Variants in LY96 observed in about 807,000 individuals in gnomAD.
LY96 encodes myeloid differentiation protein-2.
In LY96, 18 loss-of-function variants were observed where a neutral mutation model predicts 18.9. The ratio of observed to expected loss-of-function variants is 0.95; its 90% CI spans 0.66 to 1.41. The LOEUF (loss-of-function observed/expected upper bound fraction) is 1.41, where lower values mean the gene tolerates loss of function less well. Ranked by LOEUF, LY96 falls within the 40% of genes most tolerant of loss-of-function variation. The pLI, the probability that LY96 is intolerant of heterozygous loss-of-function variation, is 0.00. For missense variants in LY96, 175 were observed against 182.4 expected, an observed-to-expected ratio of 0.96 and a Z score of 0.23; for synonymous variants, 66 against 62.6, an observed-to-expected ratio of 1.06 and a Z score of -0.26.
chr8:74,018,426 G>T (rs978066901), intron 3 of LY96, among the ~76,000 whole-genome samples: 1 of 152,102 alleles, frequency 6.6e-6, no homozygotes. Flanking sequence ...CATAAAGCAA[G>T]TCCTTAGAGA....
At chr8:73,999,807 C>A (rs367777078) in intron 1 of LY96, among the ~76,000 whole-genome samples, 1 of 152,190 alleles carries the variant, frequency 6.6e-6, no homozygotes, top group South Asian at 2.1e-4. Flanking sequence ...GCATGAGCCA[C>A]CATGTCCAGC....
At chr8:74,081,468 C>T in the LY96 span, among the ~76,000 whole-genome samples, 9 of 151,430 alleles carry the variant, frequency 5.9e-5, no homozygotes, top group Non-Finnish European at 2.9e-5. Flanking sequence ...CTGTGTTGCC[C>T]AACTGGTCTT....
chr8:74,080,171 G>A, the LY96 span, among the ~76,000 whole-genome samples: 1 of 152,182 alleles, frequency 6.6e-6, no homozygotes, highest in Non-Finnish European at 1.5e-5. Context: ...GAAGGCAGCT[G>A]AGGCTTCCCA....
chr8:74,018,567 G>T (rs1816693142), intron 3 of LY96, among the ~76,000 whole-genome samples: 1 of 152,182 alleles, frequency 6.6e-6, no homozygotes, highest in Non-Finnish European at 1.5e-5. Context: ...TCTGCACCAA[G>T]CAGACCTAAT....
At chr8:74,083,491 G>A in the LY96 span, among the ~76,000 whole-genome samples, 1 of 152,164 alleles carries the variant, frequency 6.6e-6, no homozygotes, top group African/African-American at 2.4e-5. Context: ...TGAGATTACA[G>A]GCATAAGCCA....
At chr8:74,016,264 C>G (rs1040682542) in intron 3 of LY96, among the ~76,000 whole-genome samples, 1 of 152,336 alleles carries the variant, frequency 6.6e-6, no homozygotes, top group South Asian at 2.1e-4. Context: ...TCACTGCTAG[C>G]ACAGCAGTCC....
the LY96 span, among the ~76,000 whole-genome samples, chr8:74,066,189 C>G: frequency 3.3e-5 from 5 of 152,134 alleles, 1 homozygote; most frequent in Middle Eastern, 0.017. Context: ...ATAGATGGCA[C>G]CTCTTGCTGT....
the LY96 span, among the ~76,000 whole-genome samples, chr8:74,080,994 C>CTT: frequency 9.7e-6 from 1 of 102,670 alleles, no homozygotes; most frequent in Non-Finnish European, 1.8e-5. Flanking sequence ...CTCTTTCTTT[C>CTT]TTTCTTTCTT....
chr8:74,046,473 T>G, the LY96 span, among the ~76,000 whole-genome samples: 30 of 152,208 alleles, frequency 2.0e-4, no homozygotes, highest in Non-Finnish European at 3.8e-4. Flanking sequence ...GAACACATTT[T>G]TCAAGTTAGT....
the LY96 span, among the ~76,000 whole-genome samples, chr8:74,068,882 G>A: frequency 1.3e-4 from 20 of 149,984 alleles, no homozygotes; most frequent in South Asian, 2.7e-3. Context: ...CGCATCCTCC[G>A]CCTCCGGGTT....
In LY96 at chr8:73,992,836, C is replaced by CTGTATGTG. The variant is rs1458068284; in HGVS notation, c.112+1285_112+1286insATGTGTGT. 9.5e-3 allele frequency among the ~76,000 whole-genome samples: 1,346 copies of CTGTATGTG among 141,878 alleles called. 6 individuals are homozygous for CTGTATGTG. Among genetic ancestry groups the CTGTATGTG allele is most frequent in the Middle Eastern group, 0.022 (6 of 274 alleles). 93.1% of individuals were successfully genotyped at this position (141,878 alleles called of 152,430 possible). A position where few individuals can be genotyped will look rare whatever the true frequency, so the allele number is the denominator to read the frequency against. On this transcript the variant is annotated intron_variant, in intron 1 of 4. Coordinates refer to ENST00000284818, the MANE Select transcript of LY96 (RefSeq NM_015364.5). ...TTTGTACCATGTGCTAATTATGCCA[C>CTGTATGTG]TGTGTGTGTGTGTGTGTGTGTGTGT...
intron 1 of LY96, among the ~76,000 whole-genome samples, chr8:73,994,782 C>T (rs62509310): frequency 0.028 from 4,205 of 152,256 alleles, 85 homozygotes; most frequent in Non-Finnish European, 0.041. Context: ...CCACTGATTC[C>T]GGGCTACAGT....
At chr8:74,044,957 A>T in the LY96 span, among the ~76,000 whole-genome samples, 2 of 152,236 alleles carry the variant, frequency 1.3e-5, no homozygotes, top group African/African-American at 4.8e-5. Context: ...TTTGACTCAC[A>T]TTATACAACC....
chr8:74,029,101 T>C (rs769997883), downstream of LY96: 1 of 1,111,190 alleles, frequency 9.0e-7, no homozygotes, highest in East Asian at 2.5e-5. Context: ...TGTTCCTGTT[T>C]TAAGGGTACC....
chr8:74,071,247 G>A, the LY96 span, among the ~76,000 whole-genome samples: 1 of 148,352 alleles, frequency 6.7e-6, no homozygotes, highest in Admixed American at 6.7e-5. Context: ...GTCTTACAAG[G>A]ACTTTTTTTT....
the LY96 span, among the ~76,000 whole-genome samples, chr8:74,089,721 C>A: frequency 8.7e-6 from 1 of 114,408 alleles, no homozygotes. Context: ...GATAGTAGGT[C>A]GGATAGTGAT....
At chr8:74,080,538 G>C in the LY96 span, among the ~76,000 whole-genome samples, 28 of 152,290 alleles carry the variant, frequency 1.8e-4, no homozygotes, top group South Asian at 5.6e-3. Flanking sequence ...TTAAGTGTAG[G>C]TTTTCAAGCT....
At chr8:73,992,972 A>AG (rs1246775380) in intron 1 of LY96, among the ~76,000 whole-genome samples, 1 of 151,330 alleles carries the variant, frequency 6.6e-6, no homozygotes, top group African/African-American at 2.4e-5. Context: ...CCCATGCCTC[A>AG]GCCTCCTGAG....
intron 1 of LY96, among the ~76,000 whole-genome samples, chr8:74,001,318 G>A (rs575030914): frequency 6.6e-6 from 1 of 151,812 alleles, no homozygotes; most frequent in African/African-American, 2.4e-5. Flanking sequence ...CCACCTCCTG[G>A]GTCTGAGTGA....
Sources: allele counts gnomAD v4.1 joint callset (sites outside exome capture counted in the v4.1 genomes callset), GRCh38; gene constraint gnomAD v4.1.1; transcripts MANE v1.5; gene names NCBI Gene and HGNC (gene_info 2026-07-23, HGNC 2026-07-21).